Variants in HSPA14 observed in about 807,000 individuals in gnomAD.
The protein encoded by HSPA14 is heat shock 70 kDa protein 14.
In HSPA14, 37 loss-of-function variants were observed where a neutral mutation model predicts 65.5. The ratio of observed to expected loss-of-function variants is 0.56; its 90% confidence interval spans 0.43 to 0.74. The LOEUF is 0.74. Among genes scored for constraint, HSPA14 ranks in the 30% least tolerant of loss-of-function variants. The pLI, the probability that HSPA14 is intolerant of heterozygous loss-of-function variation, is 0.00. For synonymous variants in HSPA14, 203 were observed against 214.2 expected, an observed-to-expected ratio of 0.95 and a Z score of 0.46; for missense variants, 564 against 607.6, an observed-to-expected ratio of 0.93 and a Z score of 0.75.
chr10:14,852,531 G>C lies in HSPA14; in HGVS notation c.734G>C (p.Arg245Thr). 1 of 1,610,648 alleles carries C rather than the reference G, an allele frequency of 6.2e-7. No homozygotes were observed. The highest frequency in any genetic ancestry group is 1.1e-5 in the South Asian group (1 of 90,484). Residue 245 changes from arginine (R) to threonine (T), a missense_variant and splice_region_variant, in exon 8 of 14, where the codon AGA becomes ACA. Coordinates refer to ENST00000378372, the MANE Select transcript of HSPA14 (RefSeq NM_016299.4). The stretch of plus-strand genomic sequence containing the variant: ...CAGTATCTAGCTTCTGAGTTCCAAA[G>C]GTGAGTGTTAATGGCCTGAATAATA... ...LAQYLASEFQRSFKHDVRGNA... is the reference protein window; with the variant it reads ...LAQYLASEFQTSFKHDVRGNA...
At chr10:14,864,026 C>T (rs1475576982) in intron 10 of HSPA14, among the ~76,000 whole-genome samples, 1 of 150,918 alleles carries the variant, frequency 6.6e-6, no homozygotes, top group Non-Finnish European at 1.5e-5. Flanking sequence ...CTCAGAATGG[C>T]CTGTGTTGCT....
chr10:14,862,339 G>T (rs143823893), intron 10 of HSPA14, among the ~76,000 whole-genome samples: 1 of 147,888 alleles, frequency 6.8e-6, no homozygotes, highest in South Asian at 2.2e-4. Context: ...CAAGAAAATA[G>T]ATTTTATCAT....
chr10:14,844,500 A>T, intron 3 of HSPA14: 2 of 754,208 alleles, frequency 2.7e-6, no homozygotes, highest in Non-Finnish European at 3.1e-6. Flanking sequence ...CTATAAGCAC[A>T]ACCTGTATTT....
At chr10:14,859,850 G>T (rs1832737055) in intron 10 of HSPA14, among the ~76,000 whole-genome samples, 1 of 152,106 alleles carries the variant, frequency 6.6e-6, no homozygotes. Flanking sequence ...CAATTTTAAA[G>T]TTCTCTTTGT....
chr10:14,852,226 A>C, intron 7 of HSPA14, 144 bp from the exon 8 acceptor site: 1 of 662,432 alleles, frequency 1.5e-6, no homozygotes, highest in Non-Finnish European at 2.6e-6. Context: ...TTTGTCAATA[A>C]GTGACTATAG....
intron 9 of HSPA14, among the ~76,000 whole-genome samples, 182 bp from the exon 10 acceptor site, chr10:14,855,659 A>T (rs557697220): frequency 6.6e-6 from 1 of 152,204 alleles, no homozygotes; most frequent in South Asian, 2.1e-4. Flanking sequence ...ATATTGCATC[A>T]CTCTTACTTA....
intron 3 of HSPA14, chr10:14,846,915 G>A: frequency 2.0e-6 from 2 of 985,422 alleles, no homozygotes; most frequent in South Asian, 9.4e-5. Context: ...TGTAAATAAG[G>A]TGCTATGTAT....
rs764579068 is a variant in HSPA14, at chr10:14,855,882, G to A, written c.932G>A (p.Cys311Tyr). 6.2e-7 allele frequency: 1 copy of A among 1,608,780 alleles called. No homozygotes were observed. The highest frequency in any genetic ancestry group is 1.1e-5 in the South Asian group (1 of 90,930). Residue 311 changes from cysteine to tyrosine, a missense_variant, in exon 10 of 14, where the codon TGT becomes TAT. Coordinates refer to ENST00000378372, the MANE Select transcript of HSPA14 (RefSeq NM_016299.4). ...CTTTGTTCTCCACTTTTTAATAAGT[G>A]TATAGAAGCAATCAGAGGACTCTTA... is the stretch of plus-strand genomic sequence containing the variant. ...ELLCSPLFNK[C>Y]IEAIRGLLDQ...
At chr10:14,854,868 G>A (rs979102790) in intron 9 of HSPA14, among the ~76,000 whole-genome samples, 3 of 152,332 alleles carry the variant, frequency 2.0e-5, no homozygotes, top group South Asian at 2.1e-4. Flanking sequence ...TAAAAATGCA[G>A]TTCCTCAGTA....
chr10:14,846,952 C>T (rs946712095), intron 3 of HSPA14: 3 of 985,234 alleles, frequency 3.0e-6, no homozygotes, highest in Non-Finnish European at 3.6e-6. Context: ...CTTTGTTTTT[C>T]TGTTCGGTAA....
rs535241672 is a variant in HSPA14, at chr10:14,847,344, A to C, written c.222-1265A>C. Among the ~76,000 whole-genome samples, 3 of 152,194 alleles carry C rather than the reference A, an allele frequency of 2.0e-5. No homozygotes were observed. The East Asian group carries it at 5.8e-4, about 29-fold the overall frequency. On this transcript the variant is annotated intron_variant, in intron 3 of 13. Transcript: ENST00000378372. Reference sequence around the variant, plus strand: ...GCTGAAATTCTAATATTGGTGCAAAACCCGCTATGAGCACACTTTATCTAT... The same window carrying C: ...GCTGAAATTCTAATATTGGTGCAAACCCCGCTATGAGCACACTTTATCTAT...
At chr10:14,860,757 C>T (rs1832744448) in intron 10 of HSPA14, among the ~76,000 whole-genome samples, 1 of 151,938 alleles carries the variant, frequency 6.6e-6, no homozygotes, top group African/African-American at 2.4e-5. Context: ...CGCTGTAGAT[C>T]GATGTAGGGG....
chr10:14,841,014 T>C (rs1412283302), intron 3 of HSPA14, among the ~76,000 whole-genome samples: 1 of 152,206 alleles, frequency 6.6e-6, no homozygotes, highest in South Asian at 2.1e-4. Flanking sequence ...CAACTTTGTT[T>C]AGTGAGAATT....
rs779811261 is a variant in HSPA14, at chr10:14,838,501, C to T, written c.57+42C>T. On this transcript the variant is annotated intron_variant, in intron 1 of 13. Transcript: ENST00000378372. ...CTGGGCTAGGGCTTCATGACGGCCA[C>T]CCGGTTTTCTGGCGCTGGGTCATCC... 26 of 1,548,760 alleles carry T rather than the reference C, an allele frequency of 1.7e-5. No individual in the cohort carries two copies. The Admixed American group carries it at 4.2e-4, about 25-fold the overall frequency.
In HSPA14 at chr10:14,871,603, T is replaced by G; in HGVS notation, c.1527T>G (p.Ser509=). The G allele has an allele frequency of 6.5e-7, 1 of 1,530,388 alleles. No individual in the cohort carries two copies. Among genetic ancestry groups the G allele is most frequent in the Non-Finnish European group, 9.0e-7 (1 of 1,114,634 alleles). 94.8% of individuals were successfully genotyped at this position (1,530,388 alleles called of 1,614,324 possible). Residue 509 remains serine (S), a synonymous_variant, in exon 14 of 14, where the codon TCT becomes TCG. Coordinates refer to ENST00000378372, the MANE Select transcript of HSPA14 (RefSeq NM_016299.4). ...KCEAISIEIA[S] ...AAGCAATCTCTATTGAGATAGCATC[T>G]TAGTGTTTTAGAGAAATCAAGAATT...
At chr10:14,850,204 G>A (rs1239104451) in intron 6 of HSPA14, among the ~76,000 whole-genome samples, 1 of 151,924 alleles carries the variant, frequency 6.6e-6, no homozygotes, top group Admixed American at 6.6e-5. Flanking sequence ...CCCAGGAAGT[G>A]GAGGTTGCAG....
chr10:14,845,960 A>G (rs1161029421), intron 3 of HSPA14: 4 of 896,356 alleles, frequency 4.5e-6, no homozygotes, highest in Non-Finnish European at 5.3e-6. Context: ...GAAATAGCAT[A>G]ATAAAAGACA....
intron 10 of HSPA14, among the ~76,000 whole-genome samples, chr10:14,866,610 CAAGA>C (rs1832808901): frequency 6.6e-6 from 1 of 152,072 alleles, no homozygotes. Flanking sequence ...TCTTTTTCCT[CAAGA>C]AACTTAATAT....
At position 14,869,629 on chromosome 10, in the gene HSPA14, T is replaced by C. The variant is rs181586104; in HGVS notation, c.1381-968T>C. Among the ~76,000 whole-genome samples, 423 of 152,246 alleles carry C rather than the reference T, an allele frequency of 2.8e-3. 2 individuals are homozygous for C. Among genetic ancestry groups the C allele is most frequent in the African/African-American group, 9.7e-3 (403 of 41,548 alleles). Reference sequence around the variant, plus strand: ...TTTTCTAATTCCAACAAAAGAGTAATGAAAACACACACATGCATAACATGC... The same window carrying C: ...TTTTCTAATTCCAACAAAAGAGTAACGAAAACACACACATGCATAACATGC... On this transcript the variant is annotated intron_variant, in intron 12 of 13. Coordinates refer to ENST00000378372, the MANE Select transcript of HSPA14 (RefSeq NM_016299.4).
Sources: gnomAD v4.1 joint callset for allele counts (sites outside exome capture counted in the v4.1 genomes callset) on GRCh38, gnomAD v4.1.1 for gene constraint, MANE v1.5 for transcripts, NCBI Gene and HGNC (gene_info 2026-07-23, HGNC 2026-07-21) for gene names.